The following KCNN1 variants were observed in gnomAD, a reference collection of about 807,000 sequenced individuals.
KCNN1 encodes potassium calcium-activated channel subfamily N member 1.
A neutral mutation model predicts 44.7 loss-of-function variants in KCNN1; 20 were observed. The ratio of observed to expected loss-of-function variants is 0.45; its 90% CI spans 0.32 to 0.65. The LOEUF (loss-of-function observed/expected upper bound fraction) is 0.65, where lower values mean the gene tolerates loss of function less well. KCNN1 is among the 30% of genes least tolerant of loss of function. The pLI, the probability that KCNN1 is intolerant of heterozygous loss-of-function variation, is 0.05. For synonymous variants in KCNN1, 324 were observed against 341.7 expected (o/e 0.95, Z 0.57); for missense variants, 632 against 785.3 (o/e 0.80, Z 2.33).
At chr19:17,992,802 A>G (rs2032840737) in intron 7 of KCNN1, among the ~76,000 whole-genome samples, 1 of 152,128 alleles carries the variant, frequency 6.6e-6, no homozygotes, top group African/African-American at 2.4e-5. Context: ...TGGTGTCGGC[A>G]TAGTTTTCTG....
At chr19:17,957,823 C>T (rs1207127312) in intron 2 of KCNN1, among the ~76,000 whole-genome samples, 1 of 152,008 alleles carries the variant, frequency 6.6e-6, no homozygotes, top group African/African-American at 2.4e-5. Flanking sequence ...CCTGTGGCTG[C>T]TGTGGAGAGC....
chr19:17,955,424 G>A (rs1451645104), intron 2 of KCNN1, among the ~76,000 whole-genome samples: 1 of 151,316 alleles, frequency 6.6e-6, no homozygotes, highest in East Asian at 1.9e-4. Flanking sequence ...AGCCAGGCAT[G>A]GTGCTGCATG....
chr19:17,990,753 T>C (rs1316614837), intron 7 of KCNN1, among the ~76,000 whole-genome samples: 1 of 149,020 alleles, frequency 6.7e-6, no homozygotes, highest in East Asian at 2.0e-4. Flanking sequence ...TAAGCTGAGA[T>C]TGCGCCGCTG....
At chr19:17,991,522 GGATCCCCT>G (rs1350615457) in intron 7 of KCNN1, among the ~76,000 whole-genome samples, 1 of 151,784 alleles carries the variant, frequency 6.6e-6, no homozygotes, top group Admixed American at 6.6e-5. Context: ...CGAGGCAGGT[GGATCCCCT>G]GATGTCAGCC....
chr19:17,985,409 C>T lies in KCNN1; in HGVS notation c.1015C>T (p.His339Tyr), dbSNP rs1474162188. The part of the protein sequence containing the change: ...LSIGYGDMVP[H>Y]TYCGKGVCLL... ...CATTGGCTACGGCGACATGGTGCCC[C>T]ACACCTACTGCGGGAAGGGTGTGTG... Residue 339 changes from histidine to tyrosine, a missense_variant, in exon 5 of 10, where the codon CAC becomes TAC. By Grantham distance (83) the His-to-Tyr change is moderately conservative. Coordinates refer to ENST00000684775, the MANE Select transcript of KCNN1 (RefSeq NM_001386974.1). 3.7e-6 allele frequency: 6 copies of T among 1,610,874 alleles called. No homozygotes were observed. In the African/African-American group the frequency reaches 6.7e-5, roughly 18 times the overall value.
At chr19:17,966,801 G>A (rs2031821754), upstream of KCNN1, among the ~76,000 whole-genome samples, 1 of 152,080 alleles carries the variant, frequency 6.6e-6, no homozygotes, top group South Asian at 2.1e-4. Flanking sequence ...CAGTCCCCAG[G>A]CGTGCAAAGG....
Position 17,993,614 on chromosome 19 carries a change from A to G in KCNN1, c.1377+55A>G. The G allele has an allele frequency of 2.1e-6, 3 of 1,420,956 alleles. No individual in the cohort carries two copies. Among genetic ancestry groups the G allele is most frequent in the Non-Finnish European group, 3.0e-6 (3 of 1,005,330 alleles). 88.0% of individuals were successfully genotyped at this position (1,420,956 alleles called of 1,614,324 possible). The stretch of plus-strand genomic sequence containing the variant: ...CAGGGCAGGTGGGGCCCCGGAGCAG[A>G]TGGGATGGGGCTCAGCTCCTGCCGG... On this transcript the variant is annotated intron_variant, in intron 9 of 9. Coordinates refer to ENST00000684775, the MANE Select transcript of KCNN1 (RefSeq NM_001386974.1). This position sits in a 1 kb window ranked among gnomAD's most constrained non-coding sequence, Gnocchi z 4.5.
chr19:17,967,412 T>A (rs2031852145), intron 1 of KCNN1, 95 bp downstream of exon 1: 1 of 660,580 alleles, frequency 1.5e-6, no homozygotes, highest in Non-Finnish European at 1.9e-6. Context: ...GGACGCGGTT[T>A]GGGGCAGGGG....
At chr19:17,982,460 G>C in intron 4 of KCNN1, 1 of 755,620 alleles carries the variant, frequency 1.3e-6, no homozygotes. Context: ...TCTGGCCCCG[G>C]GGGGCGCAGG....
intron 3 of KCNN1, among the ~76,000 whole-genome samples, chr19:17,976,743 T>G (rs1175261360): frequency 8.8e-5 from 12 of 136,568 alleles, no homozygotes; most frequent in Non-Finnish European, 1.4e-4. Context: ...TGAGATGGAG[T>G]CTCACTCTGT....
chr19:17,981,616 G>A, intron 3 of KCNN1, 93 bp from the exon 4 acceptor site: 2 of 1,121,776 alleles, frequency 1.8e-6, no homozygotes, highest in South Asian at 1.7e-5. Flanking sequence ...TTTCAGGCCA[G>A]GCTGACGTCA....
chr19:17,988,778 A>G (rs2032689454), intron 6 of KCNN1, among the ~76,000 whole-genome samples: 1 of 151,840 alleles, frequency 6.6e-6, no homozygotes, highest in African/African-American at 2.4e-5. Context: ...TGGCATGGTG[A>G]CGGACGCCTG....
intron 2 of KCNN1, among the ~76,000 whole-genome samples, chr19:17,959,384 A>C (rs2031626076): frequency 1.3e-5 from 2 of 151,580 alleles, no homozygotes; most frequent in African/African-American, 4.9e-5. Flanking sequence ...CAGGCTCCTG[A>C]GTAGCTGGGA....
At chr19:17,969,236 A>T (rs2031926363) in intron 1 of KCNN1, among the ~76,000 whole-genome samples, 1 of 152,134 alleles carries the variant, frequency 6.6e-6, no homozygotes, top group Admixed American at 6.5e-5. Context: ...GGACCAGGCC[A>T]GTTCCCCTCC....
rs564350183 is a variant in KCNN1 at position 17,979,418 on chromosome 19, G to A, written c.499-2291G>A. On this transcript the variant is annotated intron_variant, in intron 3 of 9. Transcript: ENST00000684775. The stretch of plus-strand genomic sequence containing the variant: ...ACTGCACTCCAGCCTGGGCAATGGA[G>A]CGAGACTCCGTCTCAAAAAAAAAAA... Among the ~76,000 whole-genome samples, 15 of 136,406 alleles carry A rather than the reference G, an allele frequency of 1.1e-4. No individual in the cohort carries two copies. In the East Asian group the frequency reaches 1.8e-3, roughly 16 times the overall value. 89.5% of individuals were successfully genotyped at this position (136,406 alleles called of 152,430 possible).
In KCNN1 at chr19:17,961,582, C is replaced by CTT. The variant is rs756599442; in HGVS notation, c.-82+6903_-82+6904dup. 6.0e-3 allele frequency among the ~76,000 whole-genome samples: 612 copies of CTT among 101,300 alleles called. 8 individuals are homozygous for CTT. The highest frequency in any genetic ancestry group is 0.022 in the African/African-American group (502 of 22,560). The allele number at this position is 101,300 out of a possible 152,430, so 66.5% of individuals were successfully genotyped here. A position where few individuals can be genotyped will look rare whatever the true frequency, so the allele number is the denominator to read the frequency against. On this transcript the variant is annotated intron_variant, in intron 2 of 10. Coordinates refer to the KCNN1 transcript ENST00000222249. ...CCCTATTTTCTTTCTTTCTTTCTTT[C>CTT]TTTCTTTTTTTTTTTTTGAGACGGA...
intron 3 of KCNN1, 53 bp from the exon 4 acceptor site, chr19:17,981,656 G>T (rs1211759546): frequency 5.3e-6 from 8 of 1,497,220 alleles, no homozygotes; most frequent in Non-Finnish European, 6.3e-6. Context: ...GGCTGGGCAG[G>T]GAGCGCGGCG....
intron 6 of KCNN1, among the ~76,000 whole-genome samples, chr19:17,988,905 C>T (rs1342143994): frequency 1.3e-5 from 2 of 150,134 alleles, no homozygotes; most frequent in African/African-American, 2.5e-5. Context: ...AGCAAGACTC[C>T]GTTTAAAAAA....
chr19:17,997,212 C>T (rs1439737551), intron 9 of KCNN1, among the ~76,000 whole-genome samples: 1 of 152,188 alleles, frequency 6.6e-6, no homozygotes, highest in Non-Finnish European at 1.5e-5. Context: ...TCACCTTCGT[C>T]ATTAGACCCC....
Sources: allele counts gnomAD v4.1 joint callset (sites outside exome capture counted in the v4.1 genomes callset), GRCh38; gene constraint gnomAD v4.1.1; non-coding constraint Gnocchi (gnomAD v3.1); transcripts MANE v1.5; gene names NCBI Gene and HGNC (gene_info 2026-07-23, HGNC 2026-07-21).